The following CTNNA3 variants were observed in gnomAD, a reference collection of about 807,000 sequenced individuals.
The protein encoded by CTNNA3 is catenin alpha-3.
A neutral mutation model predicts 95.7 loss-of-function variants in CTNNA3; 76 were observed. The ratio of observed to expected loss-of-function variants is 0.79; its 90% CI spans 0.66 to 0.96. The LOEUF (loss-of-function observed/expected upper bound fraction) is 0.96. CTNNA3 is among the 40% of genes least tolerant of loss of function. The pLI is 0.00. For missense variants in CTNNA3, 1,191 were observed against 1,089.8 expected, an observed-to-expected ratio of 1.09 and a Z score of -1.31; for synonymous variants, 431 against 374.4, an observed-to-expected ratio of 1.15 and a Z score of -1.74.
intron 3 of CTNNA3, among the ~76,000 whole-genome samples, chr10:67,598,776 T>C (rs1248879475): frequency 6.6e-6 from 1 of 152,056 alleles, no homozygotes; most frequent in African/African-American, 2.4e-5. Flanking sequence ...ACCATCTTAC[T>C]GATTTAAGAT....
At chr10:67,243,627 A>G (rs1209531953) in intron 5 of CTNNA3, among the ~76,000 whole-genome samples, 1 of 152,138 alleles carries the variant, frequency 6.6e-6, no homozygotes, top group Non-Finnish European at 1.5e-5. Context: ...CTCTAGTCTT[A>G]CTTCCTACTA....
At chr10:67,049,172 A>G (rs1423243989) in intron 7 of CTNNA3, among the ~76,000 whole-genome samples, 2 of 152,068 alleles carry the variant, frequency 1.3e-5, no homozygotes, top group Non-Finnish European at 2.9e-5. Context: ...AGCATCATTT[A>G]GAGGAAAAGA....
rs75122391 is a variant in CTNNA3, at chr10:67,353,909, G to A, written c.580-134039C>T. On this transcript the variant is annotated intron_variant, in intron 5 of 17. Transcript: ENST00000433211. ...CTCAGCCACTGCCACCAATGAAGCTGCAATGTCTCTAATGAAGAGACCGAA... is the reference window on the plus strand; with the variant it reads ...CTCAGCCACTGCCACCAATGAAGCTACAATGTCTCTAATGAAGAGACCGAA... Among the ~76,000 whole-genome samples, 400 of 152,078 alleles carry A rather than the reference G, an allele frequency of 2.6e-3. 2 individuals carry two copies. Among genetic ancestry groups the A allele is most frequent in the African/African-American group, 9.4e-3 (390 of 41,522 alleles).
At chr10:67,204,515 C>T (rs1396708756) in intron 6 of CTNNA3, among the ~76,000 whole-genome samples, 1 of 152,174 alleles carries the variant, frequency 6.6e-6, no homozygotes, top group Non-Finnish European at 1.5e-5. Flanking sequence ...GCCAATTAAA[C>T]CTGTTTTCTT....
intron 12 of CTNNA3, among the ~76,000 whole-genome samples, chr10:66,336,245 C>T (rs1446122719): frequency 1.3e-5 from 2 of 152,052 alleles, no homozygotes; most frequent in Non-Finnish European, 2.9e-5. Flanking sequence ...GTCCTGCACC[C>T]ACTGTCCGAC....
chr10:67,740,167 T>A (rs1841327291), intron 1 of CTNNA3, among the ~76,000 whole-genome samples: 1 of 152,146 alleles, frequency 6.6e-6, no homozygotes. Flanking sequence ...TCAAGATGGA[T>A]TAAAGACTTA....
chr10:67,235,101 C>T (rs369360788), intron 5 of CTNNA3, among the ~76,000 whole-genome samples: 5 of 151,536 alleles, frequency 3.3e-5, no homozygotes, highest in African/African-American at 9.7e-5. Context: ...AGGTAATTTA[C>T]AGATTCAATG....
chr10:67,546,486 A>G (rs373402020), intron 3 of CTNNA3, among the ~76,000 whole-genome samples: 2 of 152,310 alleles, frequency 1.3e-5, no homozygotes, highest in African/African-American at 4.8e-5. Context: ...TTCCTGCAAC[A>G]TTATTATCAT....
At chr10:67,464,633 A>G (rs1049641328) in intron 5 of CTNNA3, among the ~76,000 whole-genome samples, 38 of 152,184 alleles carry the variant, frequency 2.5e-4, no homozygotes, top group African/African-American at 7.5e-4. Flanking sequence ...TAAAGGACAA[A>G]AAGATATCCA....
intron 13 of CTNNA3, among the ~76,000 whole-genome samples, chr10:66,212,019 T>A (rs2088199687): frequency 7.9e-6 from 1 of 127,260 alleles, no homozygotes; most frequent in Non-Finnish European, 1.6e-5. Context: ...AGACAGAGTC[T>A]CACTCTTTTC....
intron 9 of CTNNA3, among the ~76,000 whole-genome samples, chr10:66,746,965 T>A: frequency 6.6e-6 from 1 of 152,164 alleles, no homozygotes; most frequent in East Asian, 1.9e-4. Flanking sequence ...CATGGCATAC[T>A]TTATAGATTT....
chr10:67,122,846 C>T (rs1419896633), intron 7 of CTNNA3, among the ~76,000 whole-genome samples: 2 of 152,056 alleles, frequency 1.3e-5, no homozygotes, highest in Non-Finnish European at 2.9e-5. Context: ...TACAGGATAT[C>T]TTACCATCAA....
At chr10:66,679,023 A>G (rs1846969366) in intron 9 of CTNNA3, among the ~76,000 whole-genome samples, 1 of 152,194 alleles carries the variant, frequency 6.6e-6, no homozygotes. Context: ...ACTCATTAAA[A>G]GGTTTTAAGT....
chr10:67,079,267 G>A (rs939639075), intron 7 of CTNNA3, among the ~76,000 whole-genome samples: 1 of 152,142 alleles, frequency 6.6e-6, no homozygotes, highest in South Asian at 2.1e-4. Flanking sequence ...AGAGTCCTAG[G>A]AATTTAAGAA....
intron 5 of CTNNA3, among the ~76,000 whole-genome samples, chr10:67,339,568 A>T (rs1842107055): frequency 6.6e-6 from 1 of 152,212 alleles, no homozygotes; most frequent in South Asian, 2.1e-4. Context: ...TTTCATGTCA[A>T]ATAAGTTATA....
chr10:66,425,105 G>C (rs199732963), intron 11 of CTNNA3, among the ~76,000 whole-genome samples: 1 of 58,676 alleles, frequency 1.7e-5, no homozygotes, highest in Non-Finnish European at 3.2e-5. Context: ...AAAATATATT[G>C]TTATTTAAAA....
At chr10:66,916,472 T>C (rs1846500247) in intron 7 of CTNNA3, among the ~76,000 whole-genome samples, 1 of 152,226 alleles carries the variant, frequency 6.6e-6, no homozygotes, top group Non-Finnish European at 1.5e-5. Context: ...ATGTTTTTAA[T>C]ACAGGCCTTT....
intron 7 of CTNNA3, among the ~76,000 whole-genome samples, chr10:67,158,378 T>A (rs565299107): frequency 3.9e-5 from 6 of 152,154 alleles, no homozygotes; most frequent in African/African-American, 1.4e-4. Context: ...GCAAGCTGTT[T>A]TAGAAATCAT....
At chr10:66,454,186 C>T (rs577678965) in intron 11 of CTNNA3, among the ~76,000 whole-genome samples, 1 of 152,196 alleles carries the variant, frequency 6.6e-6, no homozygotes, top group Non-Finnish European at 1.5e-5. Context: ...CACAGCCTTG[C>T]TGACACCTTG....
Sources: allele counts gnomAD v4.1 joint callset (sites outside exome capture counted in the v4.1 genomes callset), GRCh38; gene constraint gnomAD v4.1.1; transcripts MANE v1.5; gene names NCBI Gene and HGNC (gene_info 2026-07-23, HGNC 2026-07-21).